The following FBN1 variants were observed in gnomAD, a reference collection of about 807,000 sequenced individuals.
FBN1 encodes the protein fibrillin-1.
Under a neutral mutation model 365.1 loss-of-function variants are expected in FBN1, and 29 were observed. That is an observed-to-expected ratio of 0.08 (90% CI 0.06 to 0.11). The LOEUF is 0.11. Among genes scored for constraint, FBN1 ranks in the 10% least tolerant of loss-of-function variants. The pLI is 1.00. For synonymous variants in FBN1, 1,210 were observed against 1,270.5 expected, an observed-to-expected ratio of 0.95 and a Z score of 1.01; for missense variants, 2,476 against 3,703.2, an observed-to-expected ratio of 0.67 and a Z score of 8.60.
chr15:48,426,306 G>GGTTTTTT (rs949707642), intron 58 of FBN1, among the ~76,000 whole-genome samples: 1 of 152,000 alleles, frequency 6.6e-6, no homozygotes, highest in African/African-American at 2.4e-5. Context: ...AAATAAGTAA[G>GGTTTTTT]GTTTTTTGTT....
Position 48,534,139 on chromosome 15 carries a change from G to T in FBN1, c.803C>A (p.Ser268Tyr). 6.2e-7 allele frequency: 1 copy of T among 1,613,284 alleles called. No individual in the cohort carries two copies. Among genetic ancestry groups the T allele is most frequent in the Non-Finnish European group, 8.5e-7 (1 of 1,179,876 alleles). Residue 268 changes from serine to tyrosine, a missense_variant, in exon 8 of 66, where the codon TCT becomes TAT. Ser to Tyr is a moderately radical substitution (Grantham distance 144). Coordinates refer to ENST00000316623, the MANE Select transcript of FBN1 (RefSeq NM_000138.5). ...TCCAGCAGGGCATTTGCACTCAAAA[G>T]ACCCAACAGTATTAATGCAATTTCC... ...QGGNCINTVG[S>Y]FECKCPAGHK...
At chr15:48,555,083 C>A (rs572129457) in intron 6 of FBN1, among the ~76,000 whole-genome samples, 182 of 152,262 alleles carry the variant, frequency 1.2e-3, no homozygotes, top group Admixed American at 2.7e-3. Flanking sequence ...GCAGTATGTT[C>A]TATTTAAACA....
chr15:48,628,628 A>C (rs533707039), intron 2 of FBN1, among the ~76,000 whole-genome samples: 5 of 152,350 alleles, frequency 3.3e-5, no homozygotes, highest in African/African-American at 1.2e-4. Flanking sequence ...TTAGATATTA[A>C]ATAATTTTTC....
At chr15:48,510,270 T>C in intron 13 of FBN1, 101 bp from the exon 14 acceptor site, 1 of 1,144,840 alleles carries the variant, frequency 8.7e-7, no homozygotes, top group East Asian at 2.6e-5. Context: ...TCTTGGCTTT[T>C]GGTTTTAATT....
rs1346130260 is a variant in FBN1 at position 48,437,075 on chromosome 15, T to C, written c.6382A>G (p.Met2128Val). Residue 2128 changes from methionine to valine, a missense_variant and splice_region_variant, in exon 53 of 66, where the codon ATG becomes GTG. This residue lies in a region of FBN1 where 1,780 missense variants were observed against 2,840.8 expected (regional missense o/e 0.63). Coordinates refer to ENST00000316623, the MANE Select transcript of FBN1 (RefSeq NM_000138.5). ...IVGPDDSAVD[M>V]DECKEPDVCK... ...ACATCGGGTTCTTTGCATTCGTCCA[T>C]ATCTTAAGCAAGAGAAAAAAAATAG... is the stretch of plus-strand genomic sequence containing the variant. 6.2e-7 allele frequency: 1 copy of C among 1,603,296 alleles called. No individual in the cohort carries two copies. Among genetic ancestry groups the C allele is most frequent in the South Asian group, 1.1e-5 (1 of 90,884 alleles).
chr15:48,595,656 T>C (rs2044510127), intron 6 of FBN1, among the ~76,000 whole-genome samples: 2 of 152,238 alleles, frequency 1.3e-5, no homozygotes, highest in African/African-American at 2.4e-5. Context: ...AGGTTTCTTA[T>C]GTATGTGGCC....
chr15:48,512,839 T>C lies in FBN1; in HGVS notation c.1588+710A>G, dbSNP rs114385201. ...CTTAATTTAGAGATAGAGATGGAGA[T>C]AGATGTTTGGGCTCCCTGACAGTGA... On this transcript the variant is annotated intron_variant, in intron 13 of 65. Coordinates refer to ENST00000316623, the MANE Select transcript of FBN1 (RefSeq NM_000138.5). Among the ~76,000 whole-genome samples, 432 of 152,290 alleles carry C rather than the reference T, an allele frequency of 2.8e-3. 2 individuals are homozygous for C. Among genetic ancestry groups the C allele is most frequent in the African/African-American group, 0.01 (421 of 41,554 alleles).
At chr15:48,485,520 A>C (rs1029112230) in intron 29 of FBN1, 24 bp from the exon 30 acceptor site, 1 of 1,613,234 alleles carries the variant, frequency 6.2e-7, no homozygotes, top group Non-Finnish European at 8.5e-7. Context: ...AAATAATATC[A>C]CCTTCTGATA....
intron 9 of FBN1, 55 bp downstream of exon 9, chr15:48,526,071 GTTGT>G (rs761467740): frequency 1.4e-5 from 22 of 1,603,900 alleles, no homozygotes; most frequent in Non-Finnish European, 1.9e-5. Context: ...TGTTTAGAAA[GTTGT>G]TTGTTATGGA....
At chr15:48,550,835 A>G (rs1251405038) in intron 6 of FBN1, among the ~76,000 whole-genome samples, 1 of 152,126 alleles carries the variant, frequency 6.6e-6, no homozygotes, top group African/African-American at 2.4e-5. Flanking sequence ...CTCCATGGTA[A>G]ACTCTCACTT....
intron 49 of FBN1, among the ~76,000 whole-genome samples, chr15:48,444,073 T>C (rs567615917): frequency 6.6e-6 from 1 of 152,182 alleles, no homozygotes; most frequent in East Asian, 1.9e-4. Flanking sequence ...TACTGTAAAA[T>C]TTGCTGAGAA....
intron 24 of FBN1, among the ~76,000 whole-genome samples, chr15:48,490,370 T>A (rs1178041150): frequency 6.6e-6 from 1 of 152,166 alleles, no homozygotes; most frequent in African/African-American, 2.4e-5. Context: ...ACAGTGTTCT[T>A]TCGGGAGATG....
At chr15:48,609,687 G>C (rs1370677224) in intron 4 of FBN1, among the ~76,000 whole-genome samples, 1 of 152,174 alleles carries the variant, frequency 6.6e-6, no homozygotes, top group African/African-American at 2.4e-5. Flanking sequence ...AGCACTTCCA[G>C]CTTGCCCTGC....
chr15:48,447,671 A>T (rs77535825), intron 46 of FBN1, among the ~76,000 whole-genome samples: 2,749 of 152,204 alleles, frequency 0.018, 79 homozygotes, highest in African/African-American at 0.059. Flanking sequence ...GAAATGAGAG[A>T]GAGAGAGAGT....
Position 48,512,868 on chromosome 15 carries a change from T to G in FBN1, c.1588+681A>C, listed in dbSNP as rs577044589. Among the ~76,000 whole-genome samples, 29 of 152,306 alleles carry G rather than the reference T, an allele frequency of 1.9e-4. No homozygotes were observed. In the South Asian group the frequency reaches 6.0e-3, roughly 32 times the overall value. Reference sequence around the variant, plus strand: ...TGTTTGGGCTCCCTGACAGTGATCATTGTATCTTATTTATTTCTGTTTTAG... The same window carrying G: ...TGTTTGGGCTCCCTGACAGTGATCAGTGTATCTTATTTATTTCTGTTTTAG... On this transcript the variant is annotated intron_variant, in intron 13 of 65. Coordinates refer to ENST00000316623, the MANE Select transcript of FBN1 (RefSeq NM_000138.5).
intron 2 of FBN1, among the ~76,000 whole-genome samples, chr15:48,624,667 C>T (rs556439679): frequency 2.5e-3 from 386 of 152,328 alleles, no homozygotes; most frequent in African/African-American, 8.9e-3. Context: ...ACTCTGAAAC[C>T]CCTGGACTTC....
At chr15:48,555,897 T>C (rs1597603061) in intron 6 of FBN1, among the ~76,000 whole-genome samples, 1 of 152,196 alleles carries the variant, frequency 6.6e-6, no homozygotes, top group African/African-American at 2.4e-5. Flanking sequence ...AGATAATAAA[T>C]AGGCTTTTGC....
chr15:48,427,457 T>C lies in FBN1; in HGVS notation c.7204+110A>G, dbSNP rs190039691. On this transcript the variant is annotated intron_variant, in intron 58 of 65. Coordinates refer to ENST00000316623, the MANE Select transcript of FBN1 (RefSeq NM_000138.5). The stretch of plus-strand genomic sequence containing the variant: ...GAAGAATTTTTGTTGGCCTCAGCTG[T>C]GCAATTCAACCTAGGCACATATTGC... The C allele has an allele frequency of 2.6e-6, 3 of 1,146,156 alleles. No individual in the cohort carries two copies. In the Admixed American group the frequency reaches 5.8e-5, roughly 22 times the overall value. The allele number at this position is 1,146,156 out of a possible 1,614,324, so 71.0% of individuals were successfully genotyped here. A position where few individuals can be genotyped will look rare whatever the true frequency, so the allele number is the denominator to read the frequency against.
At chr15:48,545,891 G>A (rs557676113) in intron 6 of FBN1, among the ~76,000 whole-genome samples, 68 of 151,998 alleles carry the variant, frequency 4.5e-4, no homozygotes, top group Non-Finnish European at 9.4e-4. Flanking sequence ...TGGGTGTGAT[G>A]GTAGGCGCCT....
Sources: allele counts gnomAD v4.1 joint callset (sites outside exome capture counted in the v4.1 genomes callset), GRCh38; gene constraint gnomAD v4.1.1; regional missense constraint gnomAD v4.1.1; transcripts MANE v1.5; gene names NCBI Gene and HGNC (gene_info 2026-07-23, HGNC 2026-07-21).